Variants in DNM3 observed in about 807,000 individuals in gnomAD.
The protein encoded by DNM3 is dynamin-3.
Under a neutral mutation model 101.6 loss-of-function variants are expected in DNM3, and 47 were observed. The observed-to-expected ratio is 0.46, with a 90% confidence interval of 0.37 to 0.59. DNM3 has a LOEUF of 0.59. Among genes scored for constraint, DNM3 ranks in the 20% least tolerant of loss-of-function variants. The pLI is 0.00. For synonymous variants in DNM3, 385 were observed against 387.9 expected (o/e 0.99, Z 0.09); for missense variants, 849 against 1,085.7 (o/e 0.78, Z 3.06).
intron 14 of DNM3, among the ~76,000 whole-genome samples, chr1:172,212,900 ATCATGGTCTTT>A (rs2060561710): frequency 6.6e-6 from 1 of 152,160 alleles, no homozygotes; most frequent in Admixed American, 6.5e-5. Flanking sequence ...TTGGTGTGAA[ATCATGGTCTTT>A]TAGCACTGGA....
intron 10 of DNM3, among the ~76,000 whole-genome samples, chr1:172,058,273 T>G (rs2050822091): frequency 6.6e-6 from 1 of 151,856 alleles, no homozygotes; most frequent in Admixed American, 6.6e-5. Flanking sequence ...ACTGTCAACA[T>G]TAGACAGATC....
chr1:172,032,333 G>A (rs1242768989), intron 4 of DNM3, 69 bp from the exon 5 acceptor site: 2 of 1,094,898 alleles, frequency 1.8e-6, no homozygotes, highest in Non-Finnish European at 2.8e-6. Context: ...ATTTAGCATT[G>A]TGACATATAT....
intron 4 of DNM3, among the ~76,000 whole-genome samples, chr1:171,992,638 C>T (rs939237849): frequency 6.6e-6 from 1 of 152,098 alleles, no homozygotes; most frequent in Non-Finnish European, 1.5e-5. Flanking sequence ...CCACCATTTA[C>T]AGACCTACTT....
rs1011072172 is a variant in DNM3, at chr1:172,409,898, C to A, written c.*2057C>A. On this transcript the variant is annotated 3_prime_UTR_variant, in exon 21 of 21. Transcript: ENST00000627582. ...TGTTAAAGGAAAATATTGTGAATAA[C>A]CACTGGTGTGTTCTTAGATCAGCAC... 2 of 985,510 alleles carry A rather than the reference C, an allele frequency of 2.0e-6. No individual in the cohort carries two copies. The highest frequency in any genetic ancestry group is 3.5e-5 in the African/African-American group (2 of 57,152). 61.0% of individuals were successfully genotyped at this position (985,510 alleles called of 1,614,324 possible).
chr1:172,068,726 A>G (rs2051905979), intron 10 of DNM3, 93 bp from the exon 11 acceptor site: 3 of 1,139,872 alleles, frequency 2.6e-6, no homozygotes, highest in Non-Finnish European at 2.6e-6. Context: ...ATGGCAATGA[A>G]TATCTTCTGT....
At chr1:172,186,969 G>A (rs1256062623) in intron 14 of DNM3, among the ~76,000 whole-genome samples, 1 of 152,080 alleles carries the variant, frequency 6.6e-6, no homozygotes, top group Non-Finnish European at 1.5e-5. Context: ...TCCTCTCTGA[G>A]AAGCTACTCT....
At chr1:172,282,637 C>T (rs2063534123) in intron 15 of DNM3, among the ~76,000 whole-genome samples, 1 of 152,186 alleles carries the variant, frequency 6.6e-6, no homozygotes, top group Non-Finnish European at 1.5e-5. Flanking sequence ...TAAGGATATT[C>T]CAGATGGGAT....
At position 172,300,618 on chromosome 1, in the gene DNM3, G is replaced by A. The variant is rs546724719; in HGVS notation, c.1770-8110G>A. ...GATAACTGGCTAGCCATATGCAAAAGAATGAAACTGGACATTTACCTATCA... is the reference window on the plus strand; with the variant it reads ...GATAACTGGCTAGCCATATGCAAAAAAATGAAACTGGACATTTACCTATCA... On this transcript the variant is annotated intron_variant, in intron 15 of 20. Transcript: ENST00000627582. Among the ~76,000 whole-genome samples the A allele has an allele frequency of 1.3e-3, 193 of 152,250 alleles. No individual in the cohort carries two copies. In the Middle Eastern group the frequency reaches 0.014, roughly 11 times the overall value.
intron 2 of DNM3, among the ~76,000 whole-genome samples, chr1:171,937,744 A>G (rs59481927): frequency 0.014 from 1,756 of 129,866 alleles, 38 homozygotes; most frequent in African/African-American, 0.045. Flanking sequence ...TAATTTTTCT[A>G]TTTTTTGTAC....
intron 11 of DNM3, among the ~76,000 whole-genome samples, chr1:172,072,353 T>A (rs1195479084): frequency 6.6e-6 from 1 of 152,206 alleles, no homozygotes; most frequent in Non-Finnish European, 1.5e-5. Flanking sequence ...ATTGACCTAA[T>A]AGCCCCCATG....
At chr1:172,346,988 C>A (rs537457574) in intron 17 of DNM3, among the ~76,000 whole-genome samples, 1 of 152,180 alleles carries the variant, frequency 6.6e-6, no homozygotes, top group Non-Finnish European at 1.5e-5. Context: ...AAGAATGCAG[C>A]CAGGAAATTA....
chr1:172,100,441 C>T (rs2054554587), intron 13 of DNM3, among the ~76,000 whole-genome samples: 1 of 152,154 alleles, frequency 6.6e-6, no homozygotes, highest in Admixed American at 6.5e-5. Context: ...TATGTACATG[C>T]TTTGAGTCCA....
At chr1:172,324,362 G>A (rs1182038384) in intron 17 of DNM3, among the ~76,000 whole-genome samples, 1 of 152,162 alleles carries the variant, frequency 6.6e-6, no homozygotes, top group Admixed American at 6.5e-5. Flanking sequence ...AAACAAATGT[G>A]GGAAATCTTT....
chr1:172,186,165 A>G (rs1331276815), intron 14 of DNM3, among the ~76,000 whole-genome samples: 2 of 152,106 alleles, frequency 1.3e-5, no homozygotes, highest in Non-Finnish European at 2.9e-5. Flanking sequence ...TTGGGTGCTT[A>G]GGGACCAAAA....
At chr1:172,038,936 G>GAT (rs1553345344) in intron 7 of DNM3, among the ~76,000 whole-genome samples, 2 of 148,764 alleles carry the variant, frequency 1.3e-5, no homozygotes, top group African/African-American at 4.9e-5. Flanking sequence ...TAAGGCTGTA[G>GAT]TTTTTTTTTT....
At chr1:171,880,112 T>C (rs1442143673) in intron 1 of DNM3, among the ~76,000 whole-genome samples, 1 of 152,212 alleles carries the variant, frequency 6.6e-6, no homozygotes, top group Non-Finnish European at 1.5e-5. Context: ...GGAACAGAAG[T>C]TGAGCTGGCC....
intron 11 of DNM3, among the ~76,000 whole-genome samples, chr1:172,078,312 T>C (rs2052842309): frequency 6.6e-6 from 1 of 152,194 alleles, no homozygotes; most frequent in Non-Finnish European, 1.5e-5. Context: ...CAGGATGTTC[T>C]CTATCTCCTC....
chr1:172,063,764 C>T (rs528337257), intron 10 of DNM3, among the ~76,000 whole-genome samples: 4 of 104,976 alleles, frequency 3.8e-5, no homozygotes, highest in African/African-American at 7.8e-5. Flanking sequence ...GGCAACAGAG[C>T]GAGACTTTGT....
At chr1:172,398,123 T>C (rs1450178511) in intron 20 of DNM3, among the ~76,000 whole-genome samples, 5 of 152,238 alleles carry the variant, frequency 3.3e-5, no homozygotes, top group Non-Finnish European at 7.3e-5. Flanking sequence ...ATTATGTACC[T>C]AGAATACTGA....
Sources: allele counts gnomAD v4.1 joint callset (sites outside exome capture counted in the v4.1 genomes callset), GRCh38; gene constraint gnomAD v4.1.1; transcripts MANE v1.5; gene names NCBI Gene and HGNC (gene_info 2026-07-23, HGNC 2026-07-21).